EPB41: variants seen among roughly 807,000 people sequenced by gnomAD.
EPB41 encodes the protein erythrocyte membrane protein band 4.1, also known as protein 4.1.
EPB41 carries 65 observed loss-of-function variants against 108.0 expected under a neutral mutation model. The ratio of observed to expected loss-of-function variants is 0.60; its 90% CI spans 0.49 to 0.74. The LOEUF (loss-of-function observed/expected upper bound fraction) is 0.74. Ranked by LOEUF, EPB41 falls within the 30% of genes least tolerant of loss-of-function variation. The pLI, the probability that EPB41 is intolerant of heterozygous loss-of-function variation, is 0.00. For synonymous variants in EPB41, 336 were observed against 358.9 expected (o/e 0.94, Z 0.72); for missense variants, 875 against 1,037.0 (o/e 0.84, Z 2.15).
Position 28,930,727 on chromosome 1 carries a change from C to T in EPB41, c.-8+15959C>T, listed in dbSNP as rs189197446. Among the ~76,000 whole-genome samples the T allele has an allele frequency of 4.3e-3, 653 of 150,422 alleles. 4 individuals carry two copies. Among genetic ancestry groups the T allele is most frequent in the African/African-American group, 0.015 (621 of 40,882 alleles). On this transcript the variant is annotated intron_variant, in intron 1 of 20. Transcript: ENST00000343067. ...CTCGAACTCCTGACCTCAGGTGATC[C>T]GCCCGCCTCAGCCTCCCAAAGTGCT...
Position 28,995,682 on chromosome 1 carries a change from G to A in EPB41, c.682-1533G>A, listed in dbSNP as rs114761819. Among the ~76,000 whole-genome samples, 574 of 152,334 alleles carry A rather than the reference G, an allele frequency of 3.8e-3. 6 individuals carry two copies. Among genetic ancestry groups the A allele is most frequent in the African/African-American group, 0.013 (532 of 41,582 alleles). On this transcript the variant is annotated intron_variant, in intron 3 of 20. Coordinates refer to ENST00000343067, the MANE Select transcript of EPB41 (RefSeq NM_001376013.1). ...GTCTGTAGCAGCACCCACATGATCA[G>A]ACATAGTATTTCTATGGTAAAAGAT...
intron 1 of EPB41, among the ~76,000 whole-genome samples, chr1:28,935,473 C>CACACACACACACACACACACAGA (rs2093979863): frequency 2.0e-5 from 1 of 49,552 alleles, no homozygotes; most frequent in African/African-American, 8.2e-5. Flanking sequence ...ACACACCCCC[C>CACACACACACACACACACACAGA]CCCCCCCAAG....
rs566796586 is a variant in EPB41 at position 29,014,083 on chromosome 1, G to A, written c.830-1609G>A. Among the ~76,000 whole-genome samples the A allele has an allele frequency of 1.1e-4, 16 of 152,012 alleles. No individual in the cohort carries two copies. The South Asian group carries it at 2.9e-3, about 28-fold the overall frequency. On this transcript the variant is annotated intron_variant, in intron 5 of 20. Transcript: ENST00000343067. The stretch of plus-strand genomic sequence containing the variant: ...TGTAATCCCAGCACTTTGGGAGGCC[G>A]AGGCAGGTGGATCACCTGAGGTCAG...
intron 16 of EPB41, among the ~76,000 whole-genome samples, chr1:29,074,212 C>T (rs1161541221): frequency 6.6e-6 from 1 of 152,116 alleles, no homozygotes; most frequent in Non-Finnish European, 1.5e-5. Context: ...TAAAGACATA[C>T]AAAATTTGTT....
chr1:28,989,698 A>G (rs574036303), intron 2 of EPB41, among the ~76,000 whole-genome samples: 8 of 152,350 alleles, frequency 5.3e-5, no homozygotes, highest in East Asian at 1.9e-4. Flanking sequence ...TGCAAGCTAT[A>G]GAATCCGACT....
rs558487774 is a variant in EPB41, at chr1:28,938,689, C to T, written c.-8+23921C>T. On this transcript the variant is annotated intron_variant, in intron 1 of 20. Transcript: ENST00000343067. ...CTGGGACCATAGGCATATGTCACCA[C>T]GCCTGGCTAATTTTAAAATTTTTCT... Among the ~76,000 whole-genome samples the T allele has an allele frequency of 1.2e-4, 19 of 152,094 alleles. No individual in the cohort carries two copies. In the South Asian group the frequency reaches 2.5e-3, roughly 20 times the overall value.
At chr1:28,941,724 C>T (rs1353525065) in intron 1 of EPB41, among the ~76,000 whole-genome samples, 3 of 151,890 alleles carry the variant, frequency 2.0e-5, no homozygotes, top group East Asian at 2.0e-4. Context: ...GGAGAAACCC[C>T]GTCTCTACTA....
chr1:28,976,874 A>G (rs886100305), intron 1 of EPB41, among the ~76,000 whole-genome samples: 1 of 152,030 alleles, frequency 6.6e-6, no homozygotes, highest in South Asian at 2.1e-4. Flanking sequence ...ATTTTTTGAG[A>G]TGGAGTCTTA....
intron 16 of EPB41, among the ~76,000 whole-genome samples, chr1:29,093,769 G>C (rs1410824534): frequency 6.6e-6 from 1 of 152,168 alleles, no homozygotes; most frequent in Non-Finnish European, 1.5e-5. Context: ...GCCGTGCGTG[G>C]TGGCACACAC....
At chr1:28,928,305 G>A (rs1394921757) in intron 1 of EPB41, among the ~76,000 whole-genome samples, 2 of 152,062 alleles carry the variant, frequency 1.3e-5, no homozygotes, top group African/African-American at 4.8e-5. Context: ...ATACAGAGGA[G>A]AAGGTCCAGA....
intron 4 of EPB41, among the ~76,000 whole-genome samples, chr1:29,006,382 G>A (rs1189263242): frequency 3.3e-5 from 5 of 151,582 alleles, no homozygotes; most frequent in African/African-American, 7.3e-5. Flanking sequence ...TACTACAGGC[G>A]CCCGCCACCC....
intron 12 of EPB41, among the ~76,000 whole-genome samples, chr1:29,055,860 A>G (rs1410829337): frequency 1.4e-5 from 2 of 140,700 alleles, no homozygotes; most frequent in African/African-American, 5.4e-5. Context: ...CCTGGGAGGC[A>G]GAGGTTGCAG....
chr1:29,016,142 A>T (rs891360311), intron 6 of EPB41, among the ~76,000 whole-genome samples: 8 of 151,932 alleles, frequency 5.3e-5, no homozygotes, highest in Admixed American at 1.3e-4. Flanking sequence ...GTCTCTTTTC[A>T]TACTCCTTTC....
In EPB41 at chr1:29,053,299, C is replaced by T; in HGVS notation, c.1832C>T (p.Thr611Ile). 1 of 1,614,208 alleles carries T rather than the reference C, an allele frequency of 6.2e-7. No homozygotes were observed. Among genetic ancestry groups the T allele is most frequent in the African/African-American group, 1.3e-5 (1 of 75,046 alleles). ...EPPEQAEPEP[T>I]EAWKVEKTHI... Reference sequence around the variant, plus strand: ...CCTGAGCAAGCTGAGCCAGAGCCCACAGAAGCATGGAAGGTATGTCATCAG... The same window carrying T: ...CCTGAGCAAGCTGAGCCAGAGCCCATAGAAGCATGGAAGGTATGTCATCAG... The change falls in exon 12 of 21, where the codon ACA becomes ATA. Residue 611 changes from threonine to isoleucine, a missense_variant. Coordinates refer to ENST00000343067, the MANE Select transcript of EPB41 (RefSeq NM_001376013.1).
In EPB41 at chr1:28,906,768, T is replaced by G. The variant is rs1193543886; in HGVS notation, c.-8+19558T>G. Reference sequence around the variant, plus strand: ...CGATGTTAGGCAAATCACCTAACTTTTCTTTTTTTTTCTTTTTTTTTTTTT... The same window carrying G: ...CGATGTTAGGCAAATCACCTAACTTGTCTTTTTTTTTCTTTTTTTTTTTTT... On this transcript the variant is annotated intron_variant, in intron 1 of 16. Transcript: ENST00000347529. Among the ~76,000 whole-genome samples the G allele has an allele frequency of 1.2e-4, 17 of 144,140 alleles. No homozygotes were observed. In the Admixed American group the frequency reaches 1.2e-3, roughly 10 times the overall value. 94.6% of individuals were successfully genotyped at this position (144,140 alleles called of 152,430 possible). A position where few individuals can be genotyped will look rare whatever the true frequency, so the allele number is the denominator to read the frequency against.
intron 1 of EPB41, among the ~76,000 whole-genome samples, chr1:28,924,236 A>G (rs920438397): frequency 5.9e-5 from 9 of 152,366 alleles, no homozygotes; most frequent in Middle Eastern, 3.4e-3. Flanking sequence ...CTACAACTTC[A>G]TGAAAGCCCC....
intron 1 of EPB41, among the ~76,000 whole-genome samples, chr1:28,899,809 C>G (rs924156845): frequency 3.3e-5 from 5 of 152,134 alleles, no homozygotes; most frequent in African/African-American, 1.2e-4. Context: ...GGATTGAGGT[C>G]AGAGGTTTCT....
At chr1:28,896,688 A>C (rs1266864558) in intron 1 of EPB41, among the ~76,000 whole-genome samples, 1 of 152,202 alleles carries the variant, frequency 6.6e-6, no homozygotes, top group Non-Finnish European at 1.5e-5. Context: ...GCTCAAGACA[A>C]TGAGTGAGGA....
chr1:28,901,414 A>G (rs2091303293), intron 1 of EPB41, among the ~76,000 whole-genome samples: 1 of 146,800 alleles, frequency 6.8e-6, no homozygotes, highest in South Asian at 2.2e-4. Flanking sequence ...TAGTAGAGAC[A>G]GCGTTTCACC....
Sources: gnomAD v4.1 joint callset for allele counts (sites outside exome capture counted in the v4.1 genomes callset) on GRCh38, gnomAD v4.1.1 for gene constraint, MANE v1.5 for transcripts, NCBI Gene and HGNC (gene_info 2026-07-23, HGNC 2026-07-21) for gene names.